The following RASA3 variants were observed in gnomAD, a reference collection of about 807,000 sequenced individuals.
RASA3 encodes the protein ras GTPase-activating protein 3.
Under a neutral mutation model 110.0 loss-of-function variants are expected in RASA3, and 73 were observed. That is an observed-to-expected ratio of 0.66 (90% CI 0.55 to 0.81). RASA3 has a LOEUF of 0.81. Among genes scored for constraint, RASA3 ranks in the 30% least tolerant of loss-of-function variants. The pLI is 0.00. For missense variants in RASA3, 976 were observed against 1,113.2 expected (o/e 0.88, Z 1.75); for synonymous variants, 500 against 451.4 (o/e 1.11, Z -1.37).
At chr13:114,042,444 G>A (rs894086030) in intron 3 of RASA3, among the ~76,000 whole-genome samples, 14 of 152,236 alleles carry the variant, frequency 9.2e-5, no homozygotes, top group African/African-American at 3.4e-4. Context: ...AGGAAATGTT[G>A]GCAGACTCCT....
chr13:114,011,245 G>C lies in RASA3; in HGVS notation c.1516C>G (p.Pro506Ala). ...LFQLTPHHTD[P>A]QTSRTLTLIS... The stretch of plus-strand genomic sequence containing the variant: ...AATGTCAGCGTCCTGGACGTCTGGG[G>C]GTCCTGGGGAGGCGGGAGCAAGAAA... Residue 506 changes from proline (P) to alanine (A), a missense_variant, in exon 16 of 24, where the codon CCC becomes GCC. Pro to Ala is a conservative substitution (Grantham distance 27). Coordinates refer to ENST00000334062, the MANE Select transcript of RASA3 (RefSeq NM_007368.4). This position sits in a 1 kb window ranked among gnomAD's most constrained non-coding sequence, Gnocchi z 4.8. 1 of 1,612,228 alleles carries C rather than the reference G, an allele frequency of 6.2e-7. No homozygotes were observed. Among genetic ancestry groups the C allele is most frequent in the Non-Finnish European group, 8.5e-7 (1 of 1,179,374 alleles).
rs1278217748 is a variant in RASA3 at position 114,027,559 on chromosome 13, T to G, written c.531-98A>C. ...GCTCTCAAATGCACAAGTCACTTATTGGCTTTATTTATTTTATAAATATTT... is the reference window on the plus strand; with the variant it reads ...GCTCTCAAATGCACAAGTCACTTATGGGCTTTATTTATTTTATAAATATTT... On this transcript the variant is annotated intron_variant, in intron 6 of 23. Coordinates refer to ENST00000334062, the MANE Select transcript of RASA3 (RefSeq NM_007368.4). 4.5e-6 allele frequency: 4 copies of G among 898,554 alleles called. No individual in the cohort carries two copies. The Admixed American group carries it at 7.4e-5, about 17-fold the overall frequency. 55.7% of individuals were successfully genotyped at this position (898,554 alleles called of 1,614,324 possible).
Position 113,979,544 on chromosome 13 carries a change from A to G in RASA3, c.2430-122T>C, listed in dbSNP as rs543708659. The G allele has an allele frequency of 8.4e-5, 68 of 811,340 alleles. 5 individuals carry two copies. In the South Asian group the frequency reaches 1.0e-3, roughly 12 times the overall value. The allele number at this position is 811,340 out of a possible 1,614,324, so 50.3% of individuals were successfully genotyped here. On this transcript the variant is annotated intron_variant, in intron 23 of 23. Coordinates refer to ENST00000334062, the MANE Select transcript of RASA3 (RefSeq NM_007368.4). Reference sequence around the variant, plus strand: ...ACTCACACTGCAATCCACACAAAAAATAGAGGAGCCAAAGGAACCACAGTG... The same window carrying G: ...ACTCACACTGCAATCCACACAAAAAGTAGAGGAGCCAAAGGAACCACAGTG...
intron 4 of RASA3, among the ~76,000 whole-genome samples, chr13:114,039,856 G>A (rs1388984799): frequency 2.6e-5 from 4 of 152,216 alleles, no homozygotes; most frequent in Non-Finnish European, 4.4e-5. Flanking sequence ...CAGGACCGGG[G>A]TGAGCCCCAG....
At chr13:113,992,718 C>G (rs1211069959) in intron 21 of RASA3, 130 bp from the exon 22 acceptor site, 1 of 751,468 alleles carries the variant, frequency 1.3e-6, no homozygotes, top group Non-Finnish European at 2.2e-6. Flanking sequence ...TCGACAGGAT[C>G]GATTTGCTGT....
chr13:114,104,789 T>G (rs1020956344), intron 1 of RASA3, among the ~76,000 whole-genome samples: 1 of 152,086 alleles, frequency 6.6e-6, no homozygotes, highest in African/African-American at 2.4e-5. Flanking sequence ...CAGTGCAGTG[T>G]CTGTTCTGGA....
At chr13:113,980,039 CCT>C (rs35320528) in intron 23 of RASA3, among the ~76,000 whole-genome samples, 42,899 of 128,024 alleles carry the variant, frequency 0.34, 6,873 homozygotes, top group Non-Finnish European at 0.4. Flanking sequence ...TGTGTGTGCA[CCT>C]CTGTGTGCCT....
chr13:113,981,929 C>CT, intron 22 of RASA3, 71 bp from the exon 23 acceptor site: 2 of 1,443,546 alleles, frequency 1.4e-6, no homozygotes, highest in Non-Finnish European at 9.4e-7. Flanking sequence ...ACAGCTGCGT[C>CT]GCTGCAGGCC....
chr13:114,036,803 C>T (rs1159818749), intron 4 of RASA3, among the ~76,000 whole-genome samples: 1 of 152,170 alleles, frequency 6.6e-6, no homozygotes, highest in Non-Finnish European at 1.5e-5. Context: ...TCCCAAAGTG[C>T]TGGAATTACA....
intron 1 of RASA3, among the ~76,000 whole-genome samples, chr13:114,097,641 G>A (rs576011526): frequency 1.3e-5 from 2 of 152,346 alleles, no homozygotes; most frequent in South Asian, 2.1e-4. Flanking sequence ...GGAAGTGCCC[G>A]GCCACAAAGG....
intron 21 of RASA3, among the ~76,000 whole-genome samples, chr13:113,995,988 G>A (rs1437189104): frequency 8.7e-6 from 1 of 115,440 alleles, no homozygotes; most frequent in Non-Finnish European, 1.8e-5. Context: ...TGATGGGGAG[G>A]CCCGGCTGAT....
intron 18 of RASA3, among the ~76,000 whole-genome samples, chr13:114,002,556 A>C (rs944781385): frequency 2.6e-5 from 4 of 152,200 alleles, no homozygotes; most frequent in Non-Finnish European, 5.9e-5. Flanking sequence ...GGCGCCTCTG[A>C]GAAGACTCTG....
chr13:114,013,807 TCTCTCCCC>T (rs1160373010), intron 14 of RASA3, among the ~76,000 whole-genome samples: 19 of 149,378 alleles, frequency 1.3e-4, no homozygotes, highest in African/African-American at 3.7e-4. Context: ...ACTCCATCTC[TCTCTCCCC>T]GTCTCTTTCT....
intron 1 of RASA3, among the ~76,000 whole-genome samples, chr13:114,106,227 T>C (rs1386543606): frequency 2.6e-5 from 4 of 151,934 alleles, no homozygotes; most frequent in Non-Finnish European, 4.4e-5. Context: ...TAATATTGAA[T>C]ATGTGTGCGC....
intron 2 of RASA3, among the ~76,000 whole-genome samples, chr13:114,067,808 C>T (rs1358550454): frequency 6.6e-6 from 1 of 151,266 alleles, no homozygotes; most frequent in African/African-American, 2.4e-5. Flanking sequence ...GTCTGATGTC[C>T]TCGTCTGCCT....
chr13:113,982,558 A>C (rs1406273413), intron 22 of RASA3, among the ~76,000 whole-genome samples: 2 of 152,238 alleles, frequency 1.3e-5, no homozygotes, highest in African/African-American at 4.8e-5. Context: ...GTGCCACCTG[A>C]GTCCAAACAC....
At chr13:114,040,290 A>G (rs2054371903) in intron 4 of RASA3, among the ~76,000 whole-genome samples, 1 of 151,500 alleles carries the variant, frequency 6.6e-6, no homozygotes, top group East Asian at 2.0e-4. Context: ...CCCAAAATCC[A>G]TGGCAGAGAC....
At chr13:114,079,521 C>T (rs546427047) in intron 1 of RASA3, among the ~76,000 whole-genome samples, 5 of 152,268 alleles carry the variant, frequency 3.3e-5, no homozygotes, top group African/African-American at 9.6e-5. Context: ...AAGTATTTAC[C>T]GGAACAATAG....
intron 1 of RASA3, among the ~76,000 whole-genome samples, chr13:114,117,735 GA>G (rs2080310247): frequency 7.3e-6 from 1 of 137,452 alleles, no homozygotes; most frequent in African/African-American, 2.8e-5. Context: ...TGTGTGTGAG[GA>G]GAGCACGTGT....
Sources: gnomAD v4.1 joint callset for allele counts (sites outside exome capture counted in the v4.1 genomes callset) on GRCh38, gnomAD v4.1.1 for gene constraint, Gnocchi (gnomAD v3.1) non-coding constraint, MANE v1.5 for transcripts, NCBI Gene and HGNC (gene_info 2026-07-23, HGNC 2026-07-21) for gene names.